The following GPLD1 variants were observed in gnomAD, a reference collection of about 807,000 sequenced individuals.
The protein encoded by GPLD1 is glycosylphosphatidylinositol specific phospholipase D1.
A neutral mutation model predicts 112.6 loss-of-function variants in GPLD1; 84 were observed. The ratio of observed to expected loss-of-function variants is 0.75; its 90% CI spans 0.63 to 0.89. GPLD1 has a LOEUF of 0.89. Among genes scored for constraint, GPLD1 ranks in the 40% least tolerant of loss-of-function variants. The pLI, the probability that GPLD1 is intolerant of heterozygous loss-of-function variation, is 0.00. For missense variants in GPLD1, 1,044 were observed against 1,051.5 expected (o/e 0.99, Z 0.10); for synonymous variants, 386 against 403.8 (o/e 0.96, Z 0.53).
At chr6:24,495,238 CGGCCAGCG>C, upstream of GPLD1, 3 of 1,523,614 alleles carry the variant, frequency 2.0e-6, no homozygotes, top group Non-Finnish European at 1.8e-6. Flanking sequence ...GTGCAAGACC[CGGCCAGCG>C]GCGCCGCTCT....
At chr6:24,463,927 T>C (rs971376940) in intron 10 of GPLD1, among the ~76,000 whole-genome samples, 3 of 152,218 alleles carry the variant, frequency 2.0e-5, no homozygotes, top group Non-Finnish European at 2.9e-5. Flanking sequence ...CCTTGGTAAA[T>C]TGGGACAGGG....
At chr6:24,465,988 C>T (rs1197070396) in intron 10 of GPLD1, among the ~76,000 whole-genome samples, 3 of 152,190 alleles carry the variant, frequency 2.0e-5, no homozygotes, top group East Asian at 3.9e-4. Flanking sequence ...ACAGCAAGAA[C>T]ACAGCCACTC....
At chr6:24,435,839 A>AAAAAAAAAAAAAAC (rs1762561182) in intron 22 of GPLD1, 1 of 149,750 alleles carries the variant, frequency 6.7e-6, no homozygotes, top group Admixed American at 6.7e-5. Context: ...AAAAAAAAAA[A>AAAAAAAAAAAAAAC]AAAAAAAAGT....
intron 7 of GPLD1, among the ~76,000 whole-genome samples, chr6:24,468,307 G>C (rs1763685195): frequency 1.3e-5 from 2 of 152,168 alleles, no homozygotes; most frequent in Non-Finnish European, 2.9e-5. Flanking sequence ...AGGACAGATA[G>C]AACTCAAATA....
intron 2 of GPLD1, among the ~76,000 whole-genome samples, chr6:24,482,123 T>TG (rs1393136717): frequency 7.9e-6 from 1 of 127,016 alleles, no homozygotes; most frequent in Non-Finnish European, 1.6e-5. Flanking sequence ...TTTTTTGAGA[T>TG]GGAGTCTCAC....
At chr6:24,479,185 C>G (rs1392465062) in intron 3 of GPLD1, among the ~76,000 whole-genome samples, 1 of 152,122 alleles carries the variant, frequency 6.6e-6, no homozygotes, top group African/African-American at 2.4e-5. Context: ...AACCTCCCCT[C>G]CAACTAGAGA....
intron 7 of GPLD1, among the ~76,000 whole-genome samples, chr6:24,471,146 C>A (rs1224104343): frequency 6.6e-6 from 1 of 152,054 alleles, no homozygotes; most frequent in Non-Finnish European, 1.5e-5. Flanking sequence ...GTTCAGGGAC[C>A]AAAAGGACAT....
At chr6:24,453,066 T>C (rs745442834) in intron 14 of GPLD1, among the ~76,000 whole-genome samples, 30 of 151,878 alleles carry the variant, frequency 2.0e-4, no homozygotes, top group Non-Finnish European at 2.9e-4. Flanking sequence ...TTAGAAAAAC[T>C]TTCCAGGACC....
chr6:24,482,971 A>G (rs58479700), intron 2 of GPLD1, among the ~76,000 whole-genome samples: 27,081 of 152,084 alleles, frequency 0.18, 2,799 homozygotes, highest in African/African-American at 0.28. Context: ...TTTAAGCTAT[A>G]GAAACAAAAC....
intron 10 of GPLD1, 33 bp from the exon 11 acceptor site, chr6:24,462,828 TCTA>T (rs1763480655): frequency 4.2e-6 from 6 of 1,422,096 alleles, no homozygotes; most frequent in African/African-American, 1.4e-5. Flanking sequence ...TAGCCATTTA[TCTA>T]CTTCTTCACA....
At chr6:24,477,792 A>T (rs1437994919) in intron 3 of GPLD1, among the ~76,000 whole-genome samples, 2 of 152,238 alleles carry the variant, frequency 1.3e-5, no homozygotes, top group Non-Finnish European at 2.9e-5. Flanking sequence ...AGTATCTAAG[A>T]AAGCTAAGTG....
chr6:24,463,701 C>G (rs544910452), intron 10 of GPLD1, among the ~76,000 whole-genome samples: 3 of 152,256 alleles, frequency 2.0e-5, no homozygotes, highest in East Asian at 3.9e-4. Flanking sequence ...GAAAATATAC[C>G]AAATAACATA....
chr6:24,470,474 G>A (rs1763763822), intron 7 of GPLD1, among the ~76,000 whole-genome samples: 1 of 152,186 alleles, frequency 6.6e-6, no homozygotes, highest in Non-Finnish European at 1.5e-5. Flanking sequence ...TCATGTGGGA[G>A]ATCTTTGAAA....
chr6:24,486,931 T>G (rs909228015), intron 1 of GPLD1, among the ~76,000 whole-genome samples: 1 of 151,908 alleles, frequency 6.6e-6, no homozygotes, highest in African/African-American at 2.4e-5. Context: ...TCCTCAAAAG[T>G]TTTTCATCAT....
intron 14 of GPLD1, 73 bp from the exon 15 acceptor site, chr6:24,449,972 G>C: frequency 9.4e-7 from 1 of 1,063,582 alleles, no homozygotes; most frequent in Non-Finnish European, 1.4e-6. Flanking sequence ...CCCCCAGGGA[G>C]TAGAGAGGCC....
At chr6:24,445,872 A>G in intron 18 of GPLD1, 41 bp from the exon 19 acceptor site, 1 of 1,388,578 alleles carries the variant, frequency 7.2e-7, no homozygotes, top group Non-Finnish European at 1.0e-6. Flanking sequence ...AGGGCACAAG[A>G]CTGACAGCTG....
At chr6:24,433,124 GACC>G (rs1234554870) in intron 24 of GPLD1, 60 bp downstream of exon 24, 2 of 1,070,422 alleles carry the variant, frequency 1.9e-6, no homozygotes, top group African/African-American at 3.1e-5. Flanking sequence ...TAACAAGTGA[GACC>G]ACCAAATCCC....
chr6:24,425,626 G>A (rs1762208227), downstream of GPLD1: 1 of 152,158 alleles, frequency 6.6e-6, no homozygotes, highest in Admixed American at 6.5e-5. Context: ...AACTAAAATG[G>A]ACTGAGCACA....
At chr6:24,478,965 T>TG (rs113173284) in intron 3 of GPLD1, among the ~76,000 whole-genome samples, 2 of 152,160 alleles carry the variant, frequency 1.3e-5, no homozygotes, top group African/African-American at 4.8e-5. Context: ...GCAGAAGCAT[T>TG]GCCATCTTGG....
Sources: gnomAD v4.1 joint callset for allele counts (sites outside exome capture counted in the v4.1 genomes callset) on GRCh38, gnomAD v4.1.1 for gene constraint, MANE v1.5 for transcripts, NCBI Gene and HGNC (gene_info 2026-07-23, HGNC 2026-07-21) for gene names.